The following ANKRD36C variants were observed in gnomAD, a reference collection of about 807,000 sequenced individuals.
ANKRD36C encodes ankyrin repeat domain-containing protein 36C.
Under a neutral mutation model 276.4 loss-of-function variants are expected in ANKRD36C, and 61 were observed. The ratio of observed to expected loss-of-function variants is 0.22; its 90% confidence interval spans 0.18 to 0.27. The LOEUF is 0.27. ANKRD36C is among the 10% of genes least tolerant of loss of function. The pLI, the probability that ANKRD36C is intolerant of heterozygous loss-of-function variation, is 1.00. For synonymous variants in ANKRD36C, 483 were observed against 680.1 expected (o/e 0.71, Z 4.51); for missense variants, 1,447 against 2,032.3 (o/e 0.71, Z 5.54).
Position 95,925,440 on chromosome 2 carries a change from A to C in ANKRD36C, c.1969-16T>G, listed in dbSNP as rs1677377334. On this transcript the variant is annotated splice_polypyrimidine_tract_variant and intron_variant, in intron 29 of 66. Transcript: ENST00000456556. ...TAAATATAACCTGAATGGAAAGAGA[A>C]ACAAAATAGTCAATACATAATATAT... 1 of 1,550,220 alleles carries C rather than the reference A, an allele frequency of 6.5e-7. No individual in the cohort carries two copies. The highest frequency in any genetic ancestry group is 1.4e-5 in the African/African-American group (1 of 72,684).
At chr2:95,969,929 T>C (rs1337612474) in intron 6 of ANKRD36C, among the ~76,000 whole-genome samples, 1 of 151,816 alleles carries the variant, frequency 6.6e-6, no homozygotes, top group Non-Finnish European at 1.5e-5. Context: ...ATATATATTT[T>C]TATAAATTAT....
chr2:95,896,568 A>C (rs1398571669), intron 44 of ANKRD36C, among the ~76,000 whole-genome samples: 1 of 148,846 alleles, frequency 6.7e-6, no homozygotes, highest in Non-Finnish European at 1.5e-5. Flanking sequence ...TTTTATAACT[A>C]AAATCAACAA....
chr2:95,872,807 A>G (rs1675846710), intron 59 of ANKRD36C, among the ~76,000 whole-genome samples: 1 of 152,210 alleles, frequency 6.6e-6, no homozygotes, highest in Non-Finnish European at 1.5e-5. Flanking sequence ...AGAATCAAAT[A>G]GATGCAATAC....
chr2:95,884,407 G>A (rs568785791), intron 52 of ANKRD36C, 39 bp from the exon 73 acceptor site: 71 of 1,609,970 alleles, frequency 4.4e-5, no homozygotes, highest in Admixed American at 3.7e-4. Context: ...CCACATGCAC[G>A]TATGATAAAG....
chr2:95,882,546 G>A (rs967439194), intron 54 of ANKRD36C, 49 bp from the exon 75 acceptor site: 8 of 1,548,506 alleles, frequency 5.2e-6, no homozygotes, highest in Middle Eastern at 2.3e-4. Flanking sequence ...ATATGATAAA[G>A]TTATCCATAC....
rs868548356 is a variant in ANKRD36C at position 95,971,956 on chromosome 2, C to A, written c.799+6166G>T. ...CTAACAGCACAGAAACTTAGTATTT[C>A]ATATTAAGTTGCAACTGACGCAAAT... On this transcript the variant is annotated intron_variant, in intron 6 of 66. Transcript: ENST00000456556. 1.6e-4 allele frequency among the ~76,000 whole-genome samples: 25 copies of A among 152,192 alleles called. 1 individual carries two copies. The highest frequency in any genetic ancestry group is 3.3e-4 in the Admixed American group (5 of 15,290).
intron 53 of ANKRD36C, 31 bp downstream of exon 73, chr2:95,884,309 T>C: frequency 6.2e-7 from 1 of 1,610,606 alleles, no homozygotes; most frequent in Non-Finnish European, 8.5e-7. Context: ...ATACAATTAC[T>C]AGTTCACAAT....
intron 19 of ANKRD36C, among the ~76,000 whole-genome samples, chr2:95,941,425 A>G (rs1196990899): frequency 6.6e-6 from 1 of 152,290 alleles, no homozygotes; most frequent in Non-Finnish European, 1.5e-5. Context: ...AATTCAAGTC[A>G]ATAAAATACA....
intron 10 of ANKRD36C, among the ~76,000 whole-genome samples, chr2:95,959,272 T>C (rs902765200): frequency 7.2e-5 from 11 of 151,986 alleles, no homozygotes; most frequent in Non-Finnish European, 1.5e-4. Context: ...TTTAGTTGAA[T>C]GTACACTTCC....
chr2:95,912,797 C>G (rs1415287252), intron 40 of ANKRD36C, among the ~76,000 whole-genome samples: 4 of 151,370 alleles, frequency 2.6e-5, no homozygotes, highest in Non-Finnish European at 5.9e-5. Flanking sequence ...GCTATATGAT[C>G]CCATATGTCT....
At chr2:95,924,575 T>C (rs1482612494) in intron 30 of ANKRD36C, among the ~76,000 whole-genome samples, 3 of 151,686 alleles carry the variant, frequency 2.0e-5, no homozygotes, top group Non-Finnish European at 4.4e-5. Flanking sequence ...TTTCACTAAA[T>C]AGCTATTTTA....
chr2:95,887,779 C>T (rs1676234924), intron 50 of ANKRD36C, 146 bp downstream of exon 70: 3 of 1,035,660 alleles, frequency 2.9e-6, no homozygotes, highest in Non-Finnish European at 4.2e-6. Context: ...ATCAGCGTCA[C>T]CCAAGAACTT....
chr2:95,902,259 C>T (rs1676676179), intron 42 of ANKRD36C, among the ~76,000 whole-genome samples: 2 of 148,850 alleles, frequency 1.3e-5, no homozygotes, highest in Admixed American at 6.7e-5. Flanking sequence ...TGGTGTATTC[C>T]AATTATACCA....
Position 95,956,699 on chromosome 2 carries a change from C to T in ANKRD36C, c.1136+87G>A, listed in dbSNP as rs932157085. Reference sequence around the variant, plus strand: ...TAAGCATGTAATACGGTGTCTAGCACAGAGGAGAACACTAAACGGGCACTA... The same window carrying T: ...TAAGCATGTAATACGGTGTCTAGCATAGAGGAGAACACTAAACGGGCACTA... On this transcript the variant is annotated intron_variant, in intron 13 of 66. Transcript: ENST00000456556. 6 of 1,217,356 alleles carry T rather than the reference C, an allele frequency of 4.9e-6. No individual in the cohort carries two copies. The Admixed American group carries it at 6.6e-5, about 13-fold the overall frequency. 75.4% of individuals were successfully genotyped at this position (1,217,356 alleles called of 1,614,324 possible). A position where few individuals can be genotyped will look rare whatever the true frequency, so the allele number is the denominator to read the frequency against.
At chr2:95,980,653 G>T in exon 5 of ANKRD36C, 1 of 1,612,032 alleles carries the variant, frequency 6.2e-7, no homozygotes, top group Non-Finnish European at 8.5e-7. Flanking sequence ...CTTACACTCT[G>T]TTCTTAGCCT....
chr2:95,869,001 T>G (rs528712995), intron 59 of ANKRD36C, among the ~76,000 whole-genome samples: 56 of 151,956 alleles, frequency 3.7e-4, no homozygotes, highest in African/African-American at 1.3e-3. Flanking sequence ...CACAACACTT[T>G]TTCACTACTA....
intron 36 of ANKRD36C, 47 bp downstream of exon 38, chr2:95,917,808 T>C: frequency 6.4e-7 from 1 of 1,557,750 alleles, no homozygotes; most frequent in Non-Finnish European, 8.7e-7. Context: ...GAGAAGTTCT[T>C]TTCTATCTGG....
chr2:95,908,436 A>C (rs953463120), intron 42 of ANKRD36C, 66 bp downstream of exon 48: 12 of 1,331,654 alleles, frequency 9.0e-6, no homozygotes, highest in Admixed American at 2.4e-5. Flanking sequence ...CCGCTGATTT[A>C]TTCACGGAAG....
chr2:95,882,270 C>T, intron 56 of ANKRD36C, 32 bp downstream of exon 76: 1 of 1,547,978 alleles, frequency 6.5e-7, no homozygotes, highest in Non-Finnish European at 8.7e-7. Flanking sequence ...ATCTTGAGTG[C>T]ACATGACATT....
Sources: gnomAD v4.1 joint callset for allele counts (sites outside exome capture counted in the v4.1 genomes callset) on GRCh38, gnomAD v4.1.1 for gene constraint, MANE v1.5 for transcripts, NCBI Gene and HGNC (gene_info 2026-07-23, HGNC 2026-07-21) for gene names.